Variants in EIF3E observed in about 807,000 individuals in gnomAD.
EIF3E encodes the protein eukaryotic translation initiation factor 3 subunit E, also known as eIF-3 p48.
EIF3E carries 25 observed loss-of-function variants against 59.3 expected under a neutral mutation model. The ratio of observed to expected loss-of-function variants is 0.42; its 90% CI spans 0.31 to 0.59. The LOEUF (loss-of-function observed/expected upper bound fraction) is 0.59. Ranked by LOEUF, EIF3E falls within the 20% of genes least tolerant of loss-of-function variation. The pLI, the probability that EIF3E is intolerant of heterozygous loss-of-function variation, is 0.15. For missense variants in EIF3E, 317 were observed against 534.3 expected (o/e 0.59, Z 4.01); for synonymous variants, 176 against 170.2 (o/e 1.03, Z -0.26).
chr8:108,212,984 A>G (rs1215680989), intron 10 of EIF3E, among the ~76,000 whole-genome samples: 1 of 152,138 alleles, frequency 6.6e-6, no homozygotes, highest in Non-Finnish European at 1.5e-5. Flanking sequence ...TGCTTTGTAG[A>G]TTTTTGTCTA....
intron 12 of EIF3E, 91 bp from the exon 13 acceptor site, chr8:108,202,014 A>C: frequency 8.2e-7 from 1 of 1,217,056 alleles, no homozygotes; most frequent in Non-Finnish European, 1.1e-6. Context: ...CATTTACTTC[A>C]GCACTATAGT....
intron 5 of EIF3E, chr8:108,233,246 GA>G (rs1815656835): frequency 2.0e-5 from 3 of 152,256 alleles, no homozygotes; most frequent in African/African-American, 7.2e-5. Context: ...GAAATAAACA[GA>G]AAATCTTTTT....
At chr8:108,236,541 G>A (rs1191812302) in intron 3 of EIF3E, among the ~76,000 whole-genome samples, 2 of 152,146 alleles carry the variant, frequency 1.3e-5, no homozygotes, top group Non-Finnish European at 2.9e-5. Flanking sequence ...CTACTTAGTG[G>A]TAATCTACTG....
chr8:108,204,791 A>G (rs954286543), intron 10 of EIF3E, among the ~76,000 whole-genome samples: 9 of 143,920 alleles, frequency 6.3e-5, no homozygotes, highest in Admixed American at 3.4e-4. Flanking sequence ...ACAGAGAGAG[A>G]GAGAGAGAGA....
chr8:108,224,435 C>A (rs1021131129), intron 7 of EIF3E, among the ~76,000 whole-genome samples: 3 of 151,256 alleles, frequency 2.0e-5, no homozygotes, highest in African/African-American at 7.4e-5. Context: ...AATAGCTCTC[C>A]CACTTCAAGA....
intron 8 of EIF3E, among the ~76,000 whole-genome samples, chr8:108,216,950 C>T (rs980638137): frequency 1.3e-5 from 2 of 152,150 alleles, no homozygotes; most frequent in Admixed American, 1.3e-4. Flanking sequence ...CTGCCTGAAA[C>T]CTTTTGCCCA....
At chr8:108,210,469 G>A (rs1815185198) in intron 10 of EIF3E, among the ~76,000 whole-genome samples, 1 of 152,012 alleles carries the variant, frequency 6.6e-6, no homozygotes, top group Non-Finnish European at 1.5e-5. Flanking sequence ...TTTTTCCCGT[G>A]TAATGTTTAA....
intron 7 of EIF3E, among the ~76,000 whole-genome samples, chr8:108,217,662 A>C (rs181843941): frequency 6.6e-6 from 1 of 152,130 alleles, no homozygotes; most frequent in Non-Finnish European, 1.5e-5. Flanking sequence ...GCTAGCCACT[A>C]TTTCTTTAAT....
intron 2 of EIF3E, among the ~76,000 whole-genome samples, chr8:108,241,595 T>C (rs1264089242): frequency 1.3e-5 from 2 of 152,196 alleles, no homozygotes; most frequent in African/African-American, 4.8e-5. Context: ...ATGACCATAT[T>C]TTAAAGTAGT....
At chr8:108,206,742 G>T (rs1815110258) in intron 10 of EIF3E, among the ~76,000 whole-genome samples, 1 of 152,134 alleles carries the variant, frequency 6.6e-6, no homozygotes, top group African/African-American at 2.4e-5. Context: ...GTTTCAGACT[G>T]CAGTAAGCTA....
At chr8:108,220,288 G>A (rs923569931) in intron 7 of EIF3E, among the ~76,000 whole-genome samples, 1 of 152,202 alleles carries the variant, frequency 6.6e-6, no homozygotes, top group Non-Finnish European at 1.5e-5. Context: ...TTATCTTTTA[G>A]CGTGTCATCA....
chr8:108,236,774 C>A (rs1815739086), intron 3 of EIF3E, among the ~76,000 whole-genome samples: 1 of 152,144 alleles, frequency 6.6e-6, no homozygotes, highest in Non-Finnish European at 1.5e-5. Context: ...GTAATCCCAG[C>A]ACTTTGGGAG....
intron 6 of EIF3E, 127 bp downstream of exon 6, chr8:108,228,942 GT>G (rs1419644733): frequency 6.9e-6 from 7 of 1,019,720 alleles, no homozygotes; most frequent in Non-Finnish European, 9.3e-6. Context: ...TATGATTTTT[GT>G]AAGGTCAACA....
intron 2 of EIF3E, among the ~76,000 whole-genome samples, 159 bp downstream of exon 2, chr8:108,241,640 C>T (rs777131043): frequency 3.3e-5 from 5 of 152,142 alleles, no homozygotes; most frequent in Non-Finnish European, 7.3e-5. Flanking sequence ...CAATATATTT[C>T]GGAAGATATG....
chr8:108,226,185 A>G (rs1815513304), intron 7 of EIF3E: 1 of 145,720 alleles, frequency 6.9e-6, no homozygotes, highest in Non-Finnish European at 1.5e-5. Context: ...ATTACATTCA[A>G]TAATTCTTTT....
intron 1 of EIF3E, chr8:108,242,692 T>C (rs1005333032): frequency 5.5e-5 from 61 of 1,115,816 alleles, no homozygotes; most frequent in Non-Finnish European, 6.5e-5. Flanking sequence ...CATGCAGAAC[T>C]CCTATAAATG....
At chr8:108,208,369 GTCTTT>G (rs1171635925) in intron 10 of EIF3E, among the ~76,000 whole-genome samples, 5 of 152,188 alleles carry the variant, frequency 3.3e-5, no homozygotes, top group African/African-American at 9.6e-5. Flanking sequence ...AGTACTCCAA[GTCTTT>G]TCTAATTAGT....
At chr8:108,240,695 A>G (rs1815817831) in intron 2 of EIF3E, among the ~76,000 whole-genome samples, 1 of 152,214 alleles carries the variant, frequency 6.6e-6, no homozygotes, top group African/African-American at 2.4e-5. Flanking sequence ...AGAAACTAAG[A>G]AATAGGCCAG....
intron 5 of EIF3E, chr8:108,234,429 A>G (rs1815685455): frequency 6.6e-6 from 1 of 152,218 alleles, no homozygotes; most frequent in African/African-American, 2.4e-5. Context: ...AGGATACTTC[A>G]TGGTTAATAG....
Sources: gnomAD v4.1 joint callset for allele counts (sites outside exome capture counted in the v4.1 genomes callset) on GRCh38, gnomAD v4.1.1 for gene constraint, MANE v1.5 for transcripts, NCBI Gene and HGNC (gene_info 2026-07-23, HGNC 2026-07-21) for gene names.